Variants in COL14A1 observed in about 807,000 individuals in gnomAD.
The protein encoded by COL14A1 is collagen alpha-1(XIV) chain.
COL14A1 carries 136 observed loss-of-function variants against 230.3 expected under a neutral mutation model. The ratio of observed to expected loss-of-function variants is 0.59; its 90% confidence interval spans 0.51 to 0.68. The LOEUF (loss-of-function observed/expected upper bound fraction) is 0.68. Ranked by LOEUF, COL14A1 falls within the 30% of genes least tolerant of loss-of-function variation. The pLI is 0.00. For missense variants in COL14A1, 1,976 were observed against 2,215.8 expected (o/e 0.89, Z 2.17); for synonymous variants, 792 against 784.1 (o/e 1.01, Z -0.17).
chr8:120,218,347 T>C (rs1817830382), intron 14 of COL14A1, among the ~76,000 whole-genome samples: 1 of 149,320 alleles, frequency 6.7e-6, no homozygotes, highest in Non-Finnish European at 1.5e-5. Flanking sequence ...TCTCACTTTG[T>C]TGCCCAGGCT....
intron 5 of COL14A1, among the ~76,000 whole-genome samples, chr8:120,192,536 T>C (rs1183018725): frequency 6.6e-6 from 1 of 152,226 alleles, no homozygotes; most frequent in South Asian, 2.1e-4. Context: ...GGAGTTGCTC[T>C]TCTCGAGGAG....
chr8:120,367,031 G>A, intron 45 of COL14A1, 140 bp from the exon 46 acceptor site: 1 of 586,762 alleles, frequency 1.7e-6, no homozygotes, highest in South Asian at 2.6e-5. Context: ...TAATTTAAAA[G>A]TCCCATGGTA....
chr8:120,301,691 A>G (rs1228532295), intron 36 of COL14A1, among the ~76,000 whole-genome samples: 1 of 152,158 alleles, frequency 6.6e-6, no homozygotes, highest in Non-Finnish European at 1.5e-5. Flanking sequence ...TTATGATAGA[A>G]GGGTTTATAT....
At chr8:120,164,033 C>A (rs1815780334) in intron 4 of COL14A1, among the ~76,000 whole-genome samples, 1 of 152,108 alleles carries the variant, frequency 6.6e-6, no homozygotes, top group Non-Finnish European at 1.5e-5. Context: ...ATTGTGAATG[C>A]AAACAGAAGA....
chr8:120,345,551 C>A lies in COL14A1; in HGVS notation c.5065C>A (p.Pro1689Thr). Residue 1689 changes from proline (P) to threonine (T), a missense_variant, in exon 45 of 48, where the codon CCA becomes ACA. By Grantham distance (38) the Pro-to-Thr change is conservative. Transcript: ENST00000297848. The part of the protein sequence containing the change: ...FPGNAGVPGT[P>T]GERGLTGIKG... ...CGGAAATGCAGGCGTGCCAGGGACC[C>A]CAGGAGAACGAGGTAAGCTGGGCCC... 4 of 1,549,844 alleles carry A rather than the reference C, an allele frequency of 2.6e-6. No individual in the cohort carries two copies. The highest frequency in any genetic ancestry group is 2.3e-5 in the Admixed American group (1 of 44,226).
At chr8:120,328,088 G>A (rs556468770) in intron 40 of COL14A1, among the ~76,000 whole-genome samples, 2 of 152,092 alleles carry the variant, frequency 1.3e-5, no homozygotes, top group Admixed American at 6.5e-5. Flanking sequence ...TTTTGTGTCA[G>A]TAATGTGTTA....
At chr8:120,137,676 T>A (rs1814758938) in intron 1 of COL14A1, among the ~76,000 whole-genome samples, 1 of 152,158 alleles carries the variant, frequency 6.6e-6, no homozygotes, top group African/African-American at 2.4e-5. Flanking sequence ...TTCAAACATT[T>A]AAAAATTTCC....
chr8:120,328,431 T>C (rs1821759838), intron 40 of COL14A1, among the ~76,000 whole-genome samples: 1 of 151,334 alleles, frequency 6.6e-6, no homozygotes, highest in Admixed American at 6.6e-5. Context: ...GGGGTGTCTT[T>C]ATGTTGCCCA....
intron 40 of COL14A1, among the ~76,000 whole-genome samples, chr8:120,327,730 A>G (rs530190237): frequency 6.6e-6 from 1 of 151,630 alleles, no homozygotes; most frequent in African/African-American, 2.4e-5. Flanking sequence ...TAGAGCAGGA[A>G]CCTCAATCTT....
At chr8:120,247,469 T>A (rs1210169640) in intron 20 of COL14A1, 144 bp from the exon 21 acceptor site, 3 of 710,326 alleles carry the variant, frequency 4.2e-6, no homozygotes, top group Non-Finnish European at 6.4e-6. Context: ...TCTCAAAGGC[T>A]TCTCATTGTG....
rs375059084 is a variant in COL14A1, at chr8:120,162,419, A to G, written c.206-7A>G. 19 of 1,592,050 alleles carry G rather than the reference A, an allele frequency of 1.2e-5. No homozygotes were observed. The African/African-American group carries it at 2.2e-4, about 18-fold the overall frequency. ...TAGAACTGATTTATTTTTCTCTTTT[A>G]TTATAGGTGGAAAAACTAACCAGCT... On this transcript the variant is annotated splice_region_variant and splice_polypyrimidine_tract_variant and intron_variant, in intron 3 of 47. Coordinates refer to ENST00000297848, the MANE Select transcript of COL14A1 (RefSeq NM_021110.4).
chr8:120,162,345 A>C (rs1815706105), intron 3 of COL14A1, 81 bp from the exon 4 acceptor site: 1 of 1,193,266 alleles, frequency 8.4e-7, no homozygotes, highest in East Asian at 2.4e-5. Context: ...TTAACACCAT[A>C]ATTGCTAACT....
chr8:120,194,402 C>A (rs185931861), intron 5 of COL14A1, among the ~76,000 whole-genome samples: 1 of 152,066 alleles, frequency 6.6e-6, no homozygotes, highest in African/African-American at 2.4e-5. Flanking sequence ...CCAAGCCCCC[C>A]CTTACCCCCA....
chr8:120,335,019 G>A (rs1169990071), intron 42 of COL14A1, among the ~76,000 whole-genome samples: 1 of 152,148 alleles, frequency 6.6e-6, no homozygotes, highest in Non-Finnish European at 1.5e-5. Flanking sequence ...GCATCTCCTA[G>A]AACTAGTTTC....
At chr8:120,188,533 T>G (rs1175551209) in intron 5 of COL14A1, among the ~76,000 whole-genome samples, 2 of 152,236 alleles carry the variant, frequency 1.3e-5, no homozygotes, top group Non-Finnish European at 2.9e-5. Flanking sequence ...TCCTTTTGAT[T>G]CTATCTGTGA....
At chr8:120,287,739 G>C (rs916116264) in intron 33 of COL14A1, among the ~76,000 whole-genome samples, 7 of 152,002 alleles carry the variant, frequency 4.6e-5, no homozygotes, top group African/African-American at 1.7e-4. Flanking sequence ...TTCAAAAAAG[G>C]CTTCTCATGT....
intron 5 of COL14A1, among the ~76,000 whole-genome samples, chr8:120,178,252 G>A (rs1816350060): frequency 1.3e-5 from 2 of 152,056 alleles, no homozygotes; most frequent in East Asian, 3.9e-4. Flanking sequence ...ACAGGCCCTG[G>A]TGTGTGATGT....
chr8:120,216,303 G>A (rs779715756), intron 13 of COL14A1, 48 bp from the exon 14 acceptor site: 7 of 1,522,970 alleles, frequency 4.6e-6, no homozygotes, highest in Non-Finnish European at 4.5e-6. Context: ...CTTTTTACAT[G>A]TATGTAATTT....
chr8:120,315,749 G>T (rs1296054956), intron 39 of COL14A1, among the ~76,000 whole-genome samples, 163 bp downstream of exon 39: 1 of 152,200 alleles, frequency 6.6e-6, no homozygotes, highest in Non-Finnish European at 1.5e-5. Context: ...GAGTCACACT[G>T]ATGTTCCCCA....
Sources: allele counts gnomAD v4.1 joint callset (sites outside exome capture counted in the v4.1 genomes callset), GRCh38; gene constraint gnomAD v4.1.1; transcripts MANE v1.5; gene names NCBI Gene and HGNC (gene_info 2026-07-23, HGNC 2026-07-21).